Variants in TRAPPC9 observed in about 807,000 individuals in gnomAD.
TRAPPC9 encodes the protein IKK2 binding protein.
A neutral mutation model predicts 124.0 loss-of-function variants in TRAPPC9; 83 were observed. The ratio of observed to expected loss-of-function variants is 0.67; its 90% CI spans 0.56 to 0.80. The LOEUF (loss-of-function observed/expected upper bound fraction) is 0.80. TRAPPC9 is among the 30% of genes least tolerant of loss of function. TRAPPC9 has a pLI of 0.00. For synonymous variants in TRAPPC9, 638 were observed against 617.5 expected (o/e 1.03, Z -0.49); for missense variants, 1,302 against 1,508.3 (o/e 0.86, Z 2.27).
At chr8:139,858,411 C>T (rs1827931270) in intron 21 of TRAPPC9, among the ~76,000 whole-genome samples, 1 of 152,244 alleles carries the variant, frequency 6.6e-6, no homozygotes, top group African/African-American at 2.4e-5. Flanking sequence ...AGCTCCTCTG[C>T]CGGGCTCCTC....
At chr8:140,196,088 ACACT>A (rs2062658384) in intron 17 of TRAPPC9, among the ~76,000 whole-genome samples, 2 of 150,524 alleles carry the variant, frequency 1.3e-5, no homozygotes, top group Non-Finnish European at 2.9e-5. Context: ...TGATACTAAA[ACACT>A]CAATGATCCA....
chr8:140,067,236 C>T (rs953157373), intron 17 of TRAPPC9, among the ~76,000 whole-genome samples: 23 of 152,266 alleles, frequency 1.5e-4, no homozygotes, highest in Middle Eastern at 6.8e-3. Flanking sequence ...CTCCGCCTCC[C>T]GGGTTCAAGT....
Position 140,348,509 on chromosome 8 carries a change from C to T in TRAPPC9, c.1495+11541G>A, listed in dbSNP as rs558415861. On this transcript the variant is annotated intron_variant, in intron 9 of 22. Transcript: ENST00000438773. ...AAAGGCTGACCCAGGAAGCCCCCTCCTGATGAAAACTCTCTCCTGCTAAAA... is the reference window on the plus strand; with the variant it reads ...AAAGGCTGACCCAGGAAGCCCCCTCTTGATGAAAACTCTCTCCTGCTAAAA... 2.7e-4 allele frequency among the ~76,000 whole-genome samples: 41 copies of T among 152,224 alleles called. 1 individual carries two copies. In the South Asian group the frequency reaches 5.2e-3, roughly 19 times the overall value.
chr8:139,850,345 C>T lies in TRAPPC9; in HGVS notation c.3055+35534G>A, dbSNP rs139476292. Among the ~76,000 whole-genome samples the T allele has an allele frequency of 4.7e-3, 714 of 152,268 alleles. 5 individuals carry two copies. The highest frequency in any genetic ancestry group is 0.01 in the Middle Eastern group (3 of 294). ...GCAGGGGCAGAGCCAACACTAGAACCCAGGGCTCCTGACTCGCAGAGTTCA... is the reference window on the plus strand; with the variant it reads ...GCAGGGGCAGAGCCAACACTAGAACTCAGGGCTCCTGACTCGCAGAGTTCA... On this transcript the variant is annotated intron_variant, in intron 21 of 22. Coordinates refer to ENST00000438773, the MANE Select transcript of TRAPPC9 (RefSeq NM_001160372.4).
At chr8:139,796,128 G>C (rs1325916137) in intron 21 of TRAPPC9, among the ~76,000 whole-genome samples, 1 of 150,360 alleles carries the variant, frequency 6.7e-6, no homozygotes, top group South Asian at 2.1e-4. Flanking sequence ...GGAGGAGGAA[G>C]AGGAGAAGGA....
At chr8:140,056,677 G>T (rs746933888) in intron 17 of TRAPPC9, among the ~76,000 whole-genome samples, 6 of 151,958 alleles carry the variant, frequency 3.9e-5, no homozygotes, top group Non-Finnish European at 8.8e-5. Context: ...ATGAATTAAA[G>T]ATTTAAATTT....
chr8:140,039,797 C>G (rs1047554653), intron 17 of TRAPPC9: 1 of 152,220 alleles, frequency 6.6e-6, no homozygotes, highest in Non-Finnish European at 1.5e-5. Flanking sequence ...TATGAGGCAC[C>G]TAATCACCAG....
chr8:139,870,009 G>C (rs2131026850), intron 21 of TRAPPC9, among the ~76,000 whole-genome samples: 1 of 152,012 alleles, frequency 6.6e-6, no homozygotes, highest in South Asian at 2.1e-4. Context: ...TATTTAGAAA[G>C]GCAAAAAGGC....
At chr8:140,152,355 CTTTTTT>C (rs34124150) in intron 17 of TRAPPC9, among the ~76,000 whole-genome samples, 1 of 93,876 alleles carries the variant, frequency 1.1e-5, no homozygotes, top group South Asian at 3.7e-4. Flanking sequence ...ATATTGCCAT[CTTTTTT>C]TTTTTTTTTT....
chr8:140,360,312 G>A (rs556779954), intron 8 of TRAPPC9, 119 bp from the exon 9 acceptor site: 2 of 1,300,744 alleles, frequency 1.5e-6, no homozygotes, highest in African/African-American at 1.5e-5. Flanking sequence ...CAAACTCCAA[G>A]AGCAACAAAA....
chr8:140,199,958 T>A (rs1021121975), intron 17 of TRAPPC9, among the ~76,000 whole-genome samples: 1 of 152,072 alleles, frequency 6.6e-6, no homozygotes, highest in Admixed American at 6.6e-5. Context: ...TAAATAAAAA[T>A]TTTTTTAAAA....
intron 9 of TRAPPC9, among the ~76,000 whole-genome samples, chr8:140,335,905 G>A (rs1402622718): frequency 1.3e-5 from 2 of 151,732 alleles, no homozygotes; most frequent in African/African-American, 4.8e-5. Context: ...CAGGGATTTC[G>A]CCATGTTGAC....
intron 14 of TRAPPC9, among the ~76,000 whole-genome samples, chr8:140,281,600 T>C (rs1163489299): frequency 6.6e-6 from 1 of 152,240 alleles, no homozygotes; most frequent in African/African-American, 2.4e-5. Context: ...GCTTTTAATT[T>C]TGATGAAGTC....
intron 19 of TRAPPC9, among the ~76,000 whole-genome samples, chr8:139,913,266 G>A (rs543480001): frequency 6.6e-6 from 1 of 152,350 alleles, no homozygotes; most frequent in Non-Finnish European, 1.5e-5. Context: ...AGGAGCACTT[G>A]CTGTGTGCCA....
chr8:140,405,297 C>T (rs1022162501), intron 6 of TRAPPC9: 3 of 296,784 alleles, frequency 1.0e-5, no homozygotes, highest in African/African-American at 6.7e-5. Context: ...ATAAAAGAAC[C>T]AGAAAATAGA....
At chr8:139,938,881 A>T (rs922231766) in intron 19 of TRAPPC9, among the ~76,000 whole-genome samples, 1 of 140,050 alleles carries the variant, frequency 7.1e-6, no homozygotes, top group African/African-American at 2.7e-5. Context: ...TCCTGACCTC[A>T]TGATCCACCC....
At chr8:139,822,625 G>A (rs989555683) in intron 21 of TRAPPC9, among the ~76,000 whole-genome samples, 3 of 105,218 alleles carry the variant, frequency 2.9e-5, no homozygotes, top group African/African-American at 9.2e-5. Context: ...GTAGGATGGC[G>A]GGGGGGGGCT....
chr8:140,301,920 C>G (rs1202448270), intron 10 of TRAPPC9, among the ~76,000 whole-genome samples: 1 of 152,248 alleles, frequency 6.6e-6, no homozygotes, highest in Non-Finnish European at 1.5e-5. Flanking sequence ...CAGAGCTCAG[C>G]TGCCCTGGAG....
At chr8:139,977,053 A>T (rs1335032018) in intron 19 of TRAPPC9, among the ~76,000 whole-genome samples, 2 of 152,194 alleles carry the variant, frequency 1.3e-5, no homozygotes. Context: ...TCTGGCCTGA[A>T]AACATACAGC....
Sources: gnomAD v4.1 joint callset for allele counts (sites outside exome capture counted in the v4.1 genomes callset) on GRCh38, gnomAD v4.1.1 for gene constraint, MANE v1.5 for transcripts, NCBI Gene and HGNC (gene_info 2026-07-23, HGNC 2026-07-21) for gene names.